The following BEND7 variants were observed in gnomAD, a reference collection of about 807,000 sequenced individuals.
The protein encoded by BEND7 is BEN domain-containing protein 7.
In BEND7, 28 loss-of-function variants were observed where a neutral mutation model predicts 50.9. The observed-to-expected ratio is 0.55, with a 90% confidence interval of 0.41 to 0.75. The LOEUF is 0.75. Among genes scored for constraint, BEND7 ranks in the 30% least tolerant of loss-of-function variants. The pLI, the probability that BEND7 is intolerant of heterozygous loss-of-function variation, is 0.00. For synonymous variants in BEND7, 170 were observed against 183.9 expected (o/e 0.92, Z 0.61); for missense variants, 477 against 491.3 (o/e 0.97, Z 0.28).
chr10:13,461,287 A>C (rs184683490), intron 6 of BEND7, among the ~76,000 whole-genome samples: 112 of 152,314 alleles, frequency 7.4e-4, no homozygotes, highest in African/African-American at 2.6e-3. Flanking sequence ...CCACAGGGCA[A>C]GGGCAAGGAG....
chr10:13,495,834 C>T (rs2076983565), intron 4 of BEND7, among the ~76,000 whole-genome samples: 3 of 152,278 alleles, frequency 2.0e-5, no homozygotes, highest in Admixed American at 2.0e-4. Context: ...TGAGTGACGA[C>T]CTTCCGGACT....
chr10:13,470,488 G>A (rs1342345735), intron 6 of BEND7, among the ~76,000 whole-genome samples: 2 of 152,114 alleles, frequency 1.3e-5, no homozygotes, highest in African/African-American at 4.8e-5. Context: ...AGTTGGAGTG[G>A]AATCCTTGCA....
At chr10:13,439,998 A>C (rs752119990), downstream of BEND7, among the ~76,000 whole-genome samples, 3 of 152,178 alleles carry the variant, frequency 2.0e-5, no homozygotes, top group Non-Finnish European at 2.9e-5. Flanking sequence ...GTTCAGTAAA[A>C]TGGTGCAGCT....
chr10:13,439,892 G>C (rs1835119036), downstream of BEND7, among the ~76,000 whole-genome samples: 1 of 152,260 alleles, frequency 6.6e-6, no homozygotes, highest in Non-Finnish European at 1.5e-5. Flanking sequence ...GCACAGTTTA[G>C]TGCCAGGACT....
chr10:13,511,378 A>AAT (rs1472243185), intron 2 of BEND7: 1 of 152,194 alleles, frequency 6.6e-6, no homozygotes, highest in Non-Finnish European at 1.5e-5. Flanking sequence ...TTTCAAAATG[A>AAT]ATATATATGA....
chr10:13,447,085 C>T (rs1836504349), intron 8 of BEND7, 181 bp downstream of exon 8: 1 of 647,266 alleles, frequency 1.5e-6, no homozygotes, highest in Non-Finnish European at 2.7e-6. Flanking sequence ...TTTTTCTATT[C>T]AGTATGAAAA....
At chr10:13,503,946 G>A (rs1016666519) in intron 2 of BEND7, among the ~76,000 whole-genome samples, 2 of 152,224 alleles carry the variant, frequency 1.3e-5, no homozygotes, top group African/African-American at 4.8e-5. Context: ...AGAAGCAGCT[G>A]AGCAGGTCAC....
chr10:13,484,698 T>C (rs1161434137), intron 5 of BEND7, among the ~76,000 whole-genome samples: 1 of 152,278 alleles, frequency 6.6e-6, no homozygotes, highest in Non-Finnish European at 1.5e-5. Flanking sequence ...TAAATGATGA[T>C]GTCTAAACGA....
chr10:13,458,630 G>C (rs780809386), intron 6 of BEND7, among the ~76,000 whole-genome samples: 1 of 152,202 alleles, frequency 6.6e-6, no homozygotes, highest in Non-Finnish European at 1.5e-5. Flanking sequence ...TGGAAATCAA[G>C]GTTTACAGCA....
intron 2 of BEND7, among the ~76,000 whole-genome samples, chr10:13,524,475 T>C (rs540669424): frequency 6.6e-6 from 1 of 151,902 alleles, no homozygotes; most frequent in East Asian, 1.9e-4. Flanking sequence ...AAACTCTGTC[T>C]CTACTAAAAA....
At chr10:13,515,905 G>T (rs1055177707) in intron 2 of BEND7, among the ~76,000 whole-genome samples, 4 of 151,866 alleles carry the variant, frequency 2.6e-5, no homozygotes, top group Admixed American at 2.0e-4. Context: ...GGTGTAGACG[G>T]GGTGCTATCA....
intron 6 of BEND7, 49 bp from the exon 7 acceptor site, chr10:13,452,707 G>A (rs1838035545): frequency 2.7e-6 from 4 of 1,493,152 alleles, no homozygotes; most frequent in Non-Finnish European, 3.6e-6. Flanking sequence ...AGTAAAATAT[G>A]CAGATCTGAA....
intron 6 of BEND7, among the ~76,000 whole-genome samples, chr10:13,469,090 A>T (rs2074541945): frequency 6.6e-6 from 1 of 152,222 alleles, no homozygotes; most frequent in African/African-American, 2.4e-5. Context: ...TGGTATCTGC[A>T]GTGATCAAGA....
At chr10:13,521,353 C>A (rs527777240) in intron 2 of BEND7, among the ~76,000 whole-genome samples, 1 of 152,108 alleles carries the variant, frequency 6.6e-6, no homozygotes, top group Non-Finnish European at 1.5e-5. Flanking sequence ...AAAAACAACA[C>A]GTTTCTTGGG....
At chr10:13,447,674 G>A (rs1836706953) in intron 7 of BEND7, among the ~76,000 whole-genome samples, 1 of 151,394 alleles carries the variant, frequency 6.6e-6, no homozygotes, top group Admixed American at 6.6e-5. Flanking sequence ...CTCCCGAGTA[G>A]CTGGGACTAC....
intron 2 of BEND7, among the ~76,000 whole-genome samples, chr10:13,518,276 G>C (rs917323461): frequency 6.7e-6 from 1 of 150,034 alleles, no homozygotes; most frequent in Non-Finnish European, 1.5e-5. Flanking sequence ...CCCCCATGCG[G>C]GCCGTGGCGA....
intron 2 of BEND7, among the ~76,000 whole-genome samples, chr10:13,522,489 C>G (rs1420777796): frequency 6.6e-6 from 1 of 152,190 alleles, no homozygotes; most frequent in Non-Finnish European, 1.5e-5. Flanking sequence ...GACTACCCCA[C>G]AGGTATATGG....
At chr10:13,499,739 C>A in intron 3 of BEND7, 39 bp downstream of exon 3, 1 of 1,559,310 alleles carries the variant, frequency 6.4e-7, no homozygotes, top group South Asian at 1.2e-5. Context: ...CAGTACAAAC[C>A]CCCATGAGAG....
At chr10:13,449,152 G>A (rs1464433174) in intron 7 of BEND7, among the ~76,000 whole-genome samples, 2 of 151,966 alleles carry the variant, frequency 1.3e-5, no homozygotes, top group East Asian at 3.9e-4. Flanking sequence ...TTTAAATTTT[G>A]TTCTATGGCT....
Sources: gnomAD v4.1 joint callset for allele counts (sites outside exome capture counted in the v4.1 genomes callset) on GRCh38, gnomAD v4.1.1 for gene constraint, MANE v1.5 for transcripts, NCBI Gene and HGNC (gene_info 2026-07-23, HGNC 2026-07-21) for gene names.